The following CACNA2D4 variants were observed in gnomAD, a reference collection of about 807,000 sequenced individuals.
CACNA2D4 encodes calcium voltage-gated channel auxiliary subunit alpha2delta 4.
CACNA2D4 carries 157 observed loss-of-function variants against 163.8 expected under a neutral mutation model. That is an observed-to-expected ratio of 0.96 (90% CI 0.84 to 1.09). CACNA2D4 has a LOEUF of 1.09. Among genes scored for constraint, CACNA2D4 ranks in the 50% least tolerant of loss-of-function variants. CACNA2D4 has a pLI of 0.00. For synonymous variants in CACNA2D4, 598 were observed against 586.9 expected, an observed-to-expected ratio of 1.02 and a Z score of -0.27; for missense variants, 1,410 against 1,479.9, an observed-to-expected ratio of 0.95 and a Z score of 0.78.
chr12:1,821,311 G>A (rs1313878689), intron 26 of CACNA2D4, among the ~76,000 whole-genome samples: 1 of 152,176 alleles, frequency 6.6e-6, no homozygotes, highest in Non-Finnish European at 1.5e-5. Context: ...TCAGAGGCAT[G>A]GGCACAGACC....
intron 26 of CACNA2D4, among the ~76,000 whole-genome samples, chr12:1,817,628 C>T (rs966562813): frequency 3.3e-5 from 5 of 152,174 alleles, no homozygotes; most frequent in Admixed American, 6.5e-5. Context: ...CGATTGCAGG[C>T]GTGCGCCGCC....
intron 26 of CACNA2D4, chr12:1,827,851 T>C: frequency 2.8e-6 from 1 of 360,006 alleles, no homozygotes; most frequent in Non-Finnish European, 5.0e-6. Flanking sequence ...TTTGCGGCAC[T>C]GTGCCCGACC....
At position 1,829,692 on chromosome 12, in the gene CACNA2D4, G is replaced by T. The variant is rs768272324; in HGVS notation, c.2551+11047C>A. Among the ~76,000 whole-genome samples, 3 of 147,908 alleles carry T rather than the reference G, an allele frequency of 2.0e-5. No individual in the cohort carries two copies. The highest frequency in any genetic ancestry group is 1.3e-4 in the Admixed American group (2 of 14,886). ...GTTCAGACCCAGCTCACAGCCCATC[G>T]GCCCACCCCGACCTGGGACAGCCAG... On this transcript the variant is annotated intron_variant, in intron 26 of 37. Coordinates refer to ENST00000382722, the MANE Select transcript of CACNA2D4 (RefSeq NM_172364.5). This position sits in a 1 kb window ranked among gnomAD's most constrained non-coding sequence, Gnocchi z 4.2.
chr12:1,817,682 C>T (rs1326588987), intron 26 of CACNA2D4, among the ~76,000 whole-genome samples: 4 of 152,282 alleles, frequency 2.6e-5, no homozygotes, highest in Admixed American at 6.5e-5. Context: ...GACGGGGTTT[C>T]GCTGTGTTGG....
At chr12:1,879,668 A>C (rs755059607) in intron 14 of CACNA2D4, 136 bp downstream of exon 14, 1 of 711,414 alleles carries the variant, frequency 1.4e-6, no homozygotes, top group African/African-American at 1.8e-5. Flanking sequence ...ACTCTGGGAC[A>C]GGCCTGGAAA....
chr12:1,800,511 C>T (rs564758850), intron 31 of CACNA2D4, 73 bp from the exon 32 acceptor site: 20 of 1,481,912 alleles, frequency 1.3e-5, no homozygotes, highest in East Asian at 2.3e-5. Flanking sequence ...ACCACCAGCA[C>T]CACCCTCAGA....
chr12:1,859,603 T>C (rs1299426145), intron 19 of CACNA2D4, among the ~76,000 whole-genome samples: 1 of 152,246 alleles, frequency 6.6e-6, no homozygotes, highest in Non-Finnish European at 1.5e-5. Flanking sequence ...TGATATCACT[T>C]AATCTTCACA....
chr12:1,850,073 T>C (rs1865239998), intron 23 of CACNA2D4, among the ~76,000 whole-genome samples: 1 of 152,196 alleles, frequency 6.6e-6, no homozygotes. Context: ...CCAGTGTATC[T>C]TTGGGATAAG....
At chr12:1,841,615 C>G (rs1015372457) in intron 25 of CACNA2D4, among the ~76,000 whole-genome samples, 4 of 152,252 alleles carry the variant, frequency 2.6e-5, no homozygotes, top group African/African-American at 9.6e-5. Flanking sequence ...AATTTCAAAG[C>G]ACTCTTGTCT....
chr12:1,915,332 G>A (rs1866944829), intron 1 of CACNA2D4: 2 of 693,692 alleles, frequency 2.9e-6, no homozygotes, highest in Admixed American at 4.0e-5. Context: ...GGGCCGGGCT[G>A]ACGAGCCCAG....
At chr12:1,796,100 G>A (rs1307787098) in intron 35 of CACNA2D4, among the ~76,000 whole-genome samples, 4 of 152,240 alleles carry the variant, frequency 2.6e-5, no homozygotes, top group Admixed American at 6.5e-5. Flanking sequence ...AAGACCGTCC[G>A]GAGCAAATGG....
rs777772895 is a variant in CACNA2D4, at chr12:1,856,188, C to G, written c.2050G>C (p.Asp684His). 1.9e-6 allele frequency: 3 copies of G among 1,613,896 alleles called. No homozygotes were observed. The highest frequency in any genetic ancestry group is 2.7e-5 in the African/African-American group (2 of 74,950). ...CATTTTTTACTCCTCACTTACCAGT[C>G]ACCGGCCAGGGCCAGGTCTGGGTGA... Reference protein sequence around the residue: ...LLHPDLALAGDWIYCITDIDP... With the variant: ...LLHPDLALAGHWIYCITDIDP... The change falls in exon 21 of 38, where the codon GAC (aspartate) becomes CAC (histidine). Residue 684 changes from aspartate (D) to histidine (H), a missense_variant. Physicochemically the swap from Asp to His is moderately conservative, Grantham distance 81. Coordinates refer to ENST00000382722, the MANE Select transcript of CACNA2D4 (RefSeq NM_172364.5).
At chr12:1,794,376 ACT>A (rs1280363109) in intron 37 of CACNA2D4, among the ~76,000 whole-genome samples, 1 of 151,900 alleles carries the variant, frequency 6.6e-6, no homozygotes, top group East Asian at 1.9e-4. Flanking sequence ...TTCCCACCCC[ACT>A]CTCTGGACAC....
chr12:1,851,651 T>TTGTGTGTGTGTGTGTGTGTGTG (rs71055202), intron 23 of CACNA2D4, among the ~76,000 whole-genome samples: 1 of 118,580 alleles, frequency 8.4e-6, no homozygotes, highest in African/African-American at 3.2e-5. Flanking sequence ...TGGTGTGTGT[T>TTGTGTGTGTGTGTGTGTGTGTG]TGTGTGTGTG....
Position 1,874,568 on chromosome 12 carries a change from T to C in CACNA2D4, c.1878+36A>G. 1 of 1,474,504 alleles carries C rather than the reference T, an allele frequency of 6.8e-7. No individual in the cohort carries two copies. The highest frequency in any genetic ancestry group is 9.5e-7 in the Non-Finnish European group (1 of 1,053,222). 91.3% of individuals were successfully genotyped at this position (1,474,504 alleles called of 1,614,324 possible). On this transcript the variant is annotated intron_variant, in intron 18 of 37. Coordinates refer to ENST00000382722, the MANE Select transcript of CACNA2D4 (RefSeq NM_172364.5). The surrounding 1 kb of genome is among the most constrained non-coding windows in gnomAD (Gnocchi z 4.4). The stretch of plus-strand genomic sequence containing the variant: ...CCAAACCCAATTAATGAAGATGCCT[T>C]CCTAGGCCATGCCCTGGCTGTTTCT...
Position 1,806,201 on chromosome 12 carries a change from G to C in CACNA2D4, c.2721+4077C>G, listed in dbSNP as rs1456439853. ...CAAATGACAGGAATCGGAGTCCCCA[G>C]ATTCAGGGTGACAGATCCACTATAA... On this transcript the variant is annotated intron_variant, in intron 29 of 37. Transcript: ENST00000382722. The surrounding 1 kb of genome is among the most constrained non-coding windows in gnomAD (Gnocchi z 4.1). Among the ~76,000 whole-genome samples, 1 of 152,312 alleles carries C rather than the reference G, an allele frequency of 6.6e-6. No individual in the cohort carries two copies.
intron 26 of CACNA2D4, among the ~76,000 whole-genome samples, chr12:1,840,115 G>A (rs1048051104): frequency 5.9e-5 from 9 of 152,204 alleles, no homozygotes; most frequent in Non-Finnish European, 1.2e-4. Context: ...GCTGGAACCT[G>A]AGACTATGTG....
intron 23 of CACNA2D4, 71 bp from the exon 24 acceptor site, chr12:1,846,760 T>C: frequency 8.1e-7 from 1 of 1,240,606 alleles, no homozygotes; most frequent in Non-Finnish European, 1.1e-6. Flanking sequence ...CCTGCAGGGG[T>C]TTGGGGGCCT....
intron 29 of CACNA2D4, among the ~76,000 whole-genome samples, chr12:1,804,826 C>G (rs1863474434): frequency 6.6e-6 from 1 of 152,240 alleles, no homozygotes; most frequent in African/African-American, 2.4e-5. Flanking sequence ...TGGGGACAGG[C>G]TGGGCCCAGG....
Sources: allele counts gnomAD v4.1 joint callset (sites outside exome capture counted in the v4.1 genomes callset), GRCh38; gene constraint gnomAD v4.1.1; non-coding constraint Gnocchi (gnomAD v3.1); transcripts MANE v1.5; gene names NCBI Gene and HGNC (gene_info 2026-07-23, HGNC 2026-07-21).